CAMK1D: variants seen among roughly 807,000 people sequenced by gnomAD.
CAMK1D encodes the protein calcium/calmodulin dependent protein kinase ID.
Under a neutral mutation model 47.7 loss-of-function variants are expected in CAMK1D, and 9 were observed. The observed-to-expected ratio is 0.19, with a 90% CI of 0.11 to 0.33. The LOEUF is 0.33. Ranked by LOEUF, CAMK1D falls within the 10% of genes least tolerant of loss-of-function variation. The pLI is 1.00. For synonymous variants in CAMK1D, 184 were observed against 184.9 expected (o/e 0.99, Z 0.04); for missense variants, 291 against 488.7 (o/e 0.60, Z 3.81).
intron 2 of CAMK1D, among the ~76,000 whole-genome samples, chr10:12,615,704 CTA>C (rs967353178): frequency 7.1e-5 from 10 of 140,332 alleles, no homozygotes; most frequent in African/African-American, 1.2e-4. Context: ...TTGTAGGTGT[CTA>C]TAGATGTGTA....
At chr10:12,694,842 CG>C in intron 3 of CAMK1D, among the ~76,000 whole-genome samples, 1 of 151,642 alleles carries the variant, frequency 6.6e-6, no homozygotes, top group South Asian at 2.1e-4. Flanking sequence ...GAAAACACAG[CG>C]GGCAAATATT....
chr10:12,735,750 C>A lies in CAMK1D; in HGVS notation c.300-25198C>A, dbSNP rs143043021. Among the ~76,000 whole-genome samples the A allele has an allele frequency of 5.2e-4, 79 of 152,008 alleles. 1 individual carries two copies. In the East Asian group the frequency reaches 0.011, roughly 21 times the overall value. On this transcript the variant is annotated intron_variant, in intron 3 of 10. Transcript: ENST00000619168. ...AGCTGGCAGCCTGGCACGTTCTAAT[C>A]CCCGAAGAGTTATGGGGTGGCACAG...
intron 2 of CAMK1D, among the ~76,000 whole-genome samples, chr10:12,599,333 G>T (rs1388968565): frequency 1.3e-5 from 2 of 152,160 alleles, no homozygotes; most frequent in African/African-American, 4.8e-5. Context: ...ATGCAGCTGC[G>T]TTGTAGGTTC....
intron 1 of CAMK1D, among the ~76,000 whole-genome samples, chr10:12,491,478 T>A (rs1258912899): frequency 6.6e-6 from 1 of 152,126 alleles, no homozygotes; most frequent in African/African-American, 2.4e-5. Context: ...GTATATATAT[T>A]TTTTTGTTGT....
chr10:12,646,383 CG>C (rs907582411), intron 2 of CAMK1D, among the ~76,000 whole-genome samples: 4 of 152,000 alleles, frequency 2.6e-5, no homozygotes, highest in African/African-American at 9.7e-5. Flanking sequence ...AAATAGTAAA[CG>C]TTTTTTTCTC....
intron 5 of CAMK1D, among the ~76,000 whole-genome samples, chr10:12,786,114 A>G (rs1402535604): frequency 6.6e-6 from 1 of 152,220 alleles, no homozygotes. Flanking sequence ...CCTTGATTCC[A>G]GCAATCACAA....
At position 12,457,339 on chromosome 10, in the gene CAMK1D, C is replaced by T. The variant is rs557099823; in HGVS notation, c.93-95886C>T. ...CCAGAGGGTGGACGTTGCAGTGAGC[C>T]GAGATCGAGCCACTGCCCTCCAGCC... On this transcript the variant is annotated intron_variant, in intron 1 of 10. Transcript: ENST00000619168. 6.7e-5 allele frequency among the ~76,000 whole-genome samples: 10 copies of T among 148,900 alleles called. No homozygotes were observed. In the South Asian group the frequency reaches 8.6e-4, roughly 13 times the overall value.
At chr10:12,820,094 C>T (rs1201575230) in intron 8 of CAMK1D, among the ~76,000 whole-genome samples, 1 of 152,302 alleles carries the variant, frequency 6.6e-6, no homozygotes, top group Non-Finnish European at 1.5e-5. Context: ...GGCTAGAGTG[C>T]GGTGGCGCGA....
At chr10:12,678,714 A>C (rs1358964667) in intron 3 of CAMK1D, among the ~76,000 whole-genome samples, 1 of 152,144 alleles carries the variant, frequency 6.6e-6, no homozygotes, top group Non-Finnish European at 1.5e-5. Context: ...CACTTTTATC[A>C]TTATATAATA....
rs538964901 is a variant in CAMK1D at position 12,460,951 on chromosome 10, T to C, written c.93-92274T>C. On this transcript the variant is annotated intron_variant, in intron 1 of 10. Transcript: ENST00000619168. The stretch of plus-strand genomic sequence containing the variant: ...CTTTGTCAGATCTGTCCTCTTAGAA[T>C]CTCAGGGTGGACTTGGGAGGATGTG... Among the ~76,000 whole-genome samples, 4 of 152,330 alleles carry C rather than the reference T, an allele frequency of 2.6e-5. No homozygotes were observed. In the East Asian group the frequency reaches 5.8e-4, roughly 22 times the overall value.
chr10:12,380,649 G>C (rs1838312929), intron 1 of CAMK1D, among the ~76,000 whole-genome samples: 1 of 152,110 alleles, frequency 6.6e-6, no homozygotes, highest in Non-Finnish European at 1.5e-5. Flanking sequence ...CGAGGTCAGA[G>C]ATCGAGACCA....
intron 5 of CAMK1D, among the ~76,000 whole-genome samples, chr10:12,772,955 C>T (rs1329093317): frequency 6.6e-6 from 1 of 152,154 alleles, no homozygotes; most frequent in African/African-American, 2.4e-5. Context: ...TGTTTCCTCC[C>T]TTGCAGTCTG....
intron 3 of CAMK1D, among the ~76,000 whole-genome samples, chr10:12,702,074 C>T (rs983430425): frequency 2.6e-5 from 4 of 152,174 alleles, no homozygotes; most frequent in Middle Eastern, 3.2e-3. Flanking sequence ...CCCCGTTGGA[C>T]GCACAGGGCA....
At position 12,683,741 on chromosome 10, in the gene CAMK1D, G is replaced by GGTGTGTGT. The variant is rs10554443; in HGVS notation, c.299+16966_299+16973dup. ...TGAAGTAAATGAATTTAGGAATCCAGGTGTGTGTGTGTGTGTGTGTGTGTG... is the reference window on the plus strand; with the variant it reads ...TGAAGTAAATGAATTTAGGAATCCAGGTGTGTGTGTGTGTGTGTGTGTGTGTGTGTGTG... On this transcript the variant is annotated intron_variant, in intron 3 of 10. Coordinates refer to ENST00000619168, the MANE Select transcript of CAMK1D (RefSeq NM_153498.4). Among the ~76,000 whole-genome samples the GGTGTGTGT allele has an allele frequency of 4.6e-3, 668 of 144,974 alleles. 6 individuals carry two copies. Among genetic ancestry groups the GGTGTGTGT allele is most frequent in the African/African-American group, 0.015 (600 of 39,286 alleles).
chr10:12,441,903 C>T (rs1486598884), intron 1 of CAMK1D, among the ~76,000 whole-genome samples: 1 of 152,188 alleles, frequency 6.6e-6, no homozygotes, highest in Non-Finnish European at 1.5e-5. Context: ...CTAAAATCCC[C>T]AGATAAACTG....
At chr10:12,598,065 ATCC>A (rs1259831947) in intron 2 of CAMK1D, among the ~76,000 whole-genome samples, 4 of 152,242 alleles carry the variant, frequency 2.6e-5, no homozygotes, top group Admixed American at 1.3e-4. Context: ...AGTTGCAGAC[ATCC>A]TCCTATGCAA....
chr10:12,615,809 CGT>C (rs1299170580), intron 2 of CAMK1D, among the ~76,000 whole-genome samples: 1 of 148,024 alleles, frequency 6.8e-6, no homozygotes, highest in East Asian at 2.0e-4. Flanking sequence ...GTGTTGTGTG[CGT>C]GTGTATAGGT....
Position 12,830,557 on chromosome 10 carries a change from A to T in CAMK1D, c.*1670A>T, listed in dbSNP as rs1833398824. On this transcript the variant is annotated 3_prime_UTR_variant, in exon 11 of 11. Coordinates refer to ENST00000619168, the MANE Select transcript of CAMK1D (RefSeq NM_153498.4). The stretch of plus-strand genomic sequence containing the variant: ...TGGACATTTAATGCCAAAACCAGGA[A>T]TATCCGGGGCAAAGCAGGCTGTGTT... 1 of 152,250 alleles carries T rather than the reference A, an allele frequency of 6.6e-6. No homozygotes were observed. The highest frequency in any genetic ancestry group is 2.4e-5 in the African/African-American group (1 of 41,450). The allele number at this position is 152,250 out of a possible 1,614,324, so 9.4% of individuals were successfully genotyped here. A position where few individuals can be genotyped will look rare whatever the true frequency, so the allele number is the denominator to read the frequency against.
intron 2 of CAMK1D, among the ~76,000 whole-genome samples, chr10:12,665,927 C>T (rs1305607983): frequency 5.9e-5 from 9 of 152,274 alleles, no homozygotes; most frequent in African/African-American, 1.9e-4. Context: ...GAAGTTTGAG[C>T]AGCGCTGGTC....
Sources: allele counts gnomAD v4.1 joint callset (sites outside exome capture counted in the v4.1 genomes callset), GRCh38; gene constraint gnomAD v4.1.1; transcripts MANE v1.5; gene names NCBI Gene and HGNC (gene_info 2026-07-23, HGNC 2026-07-21).